DHRS12: variants seen among roughly 807,000 people sequenced by gnomAD.
The protein encoded by DHRS12 is dehydrogenase/reductase 12, also known as dehydrogenase/reductase SDR family member 12.
DHRS12 carries 29 observed loss-of-function variants against 32.1 expected under a neutral mutation model. The ratio of observed to expected loss-of-function variants is 0.90; its 90% CI spans 0.67 to 1.23. DHRS12 has a LOEUF of 1.23. Ranked by LOEUF, DHRS12 falls within the 50% of genes most tolerant of loss-of-function variation. The probability of loss-of-function intolerance (pLI) is 0.00; values close to 1 mark genes in which losing one functional copy is unlikely to be tolerated. For missense variants in DHRS12, 330 were observed against 337.2 expected (o/e 0.98, Z 0.17); for synonymous variants, 150 against 135.9 (o/e 1.10, Z -0.72).
At chr13:51,785,227 CA>C (rs1182137472) in intron 4 of DHRS12, among the ~76,000 whole-genome samples, 3 of 150,392 alleles carry the variant, frequency 2.0e-5, no homozygotes, top group African/African-American at 7.3e-5. Flanking sequence ...GACTCTGTCT[CA>C]AAAAAAACCA....
chr13:51,769,007 G>A (rs1011587102), intron 8 of DHRS12, 149 bp downstream of exon 8: 3 of 1,432,156 alleles, frequency 2.1e-6, no homozygotes, highest in African/African-American at 3.0e-5. Context: ...AACCTCAGCA[G>A]GCAAAGCAAT....
At chr13:51,758,118 T>C in the DHRS12 span, 1 of 1,238,140 alleles carries the variant, frequency 8.1e-7, no homozygotes, top group East Asian at 2.4e-5. Flanking sequence ...ATTTAGAGCC[T>C]AATGTCATCC....
chr13:51,755,502 A>G, the DHRS12 span: 1 of 1,576,712 alleles, frequency 6.3e-7, no homozygotes, highest in Non-Finnish European at 8.7e-7. Context: ...TTATATGGAA[A>G]TAGCTCAACC....
chr13:51,775,874 T>TTC (rs1403402057), intron 5 of DHRS12: 1 of 148,756 alleles, frequency 6.7e-6, no homozygotes, highest in Non-Finnish European at 1.5e-5. Context: ...TCCTACAGTA[T>TTC]TCTCCTACAT....
At chr13:51,794,868 G>T (rs985949013) in intron 2 of DHRS12, among the ~76,000 whole-genome samples, 2 of 151,720 alleles carry the variant, frequency 1.3e-5, no homozygotes, top group African/African-American at 4.8e-5. Flanking sequence ...AGGTGGGGCT[G>T]AACTGCAACC....
intron 4 of DHRS12, among the ~76,000 whole-genome samples, chr13:51,778,043 C>T (rs1360826400): frequency 7.2e-5 from 11 of 152,226 alleles, no homozygotes; most frequent in South Asian, 2.1e-4. Context: ...CTTCCTGCAC[C>T]GCCCGCCATG....
chr13:51,781,379 ATTT>A (rs1436477564), intron 4 of DHRS12, among the ~76,000 whole-genome samples: 1 of 152,096 alleles, frequency 6.6e-6, no homozygotes. Context: ...CTGAACAAGT[ATTT>A]ATCAAGGGCC....
intron 2 of DHRS12, among the ~76,000 whole-genome samples, chr13:51,796,218 AAGGTAGACCAG>A (rs1955506183): frequency 6.6e-6 from 1 of 152,110 alleles, no homozygotes; most frequent in Non-Finnish European, 1.5e-5. Context: ...CTGCCTACCA[AAGGTAGACCAG>A]ATGAAGCTGT....
chr13:51,794,756 G>A (rs765604168), intron 2 of DHRS12, among the ~76,000 whole-genome samples: 86 of 151,098 alleles, frequency 5.7e-4, no homozygotes, highest in African/African-American at 1.7e-3. Context: ...CAAAAATCCC[G>A]AGAGCCTATC....
intron 7 of DHRS12, chr13:51,771,545 G>A: frequency 6.2e-7 from 1 of 1,606,574 alleles, no homozygotes; most frequent in South Asian, 1.1e-5. Flanking sequence ...ACCAGGATAT[G>A]CTGTAGTTAG....
intron 4 of DHRS12, chr13:51,789,463 G>A (rs891769253): frequency 1.3e-5 from 11 of 821,246 alleles, no homozygotes; most frequent in Non-Finnish European, 1.6e-5. Flanking sequence ...AGATCTGGGT[G>A]GGGAATCTAA....
Position 51,771,215 on chromosome 13 carries a change from T to C in DHRS12, c.559+606A>G. 4 of 1,551,394 alleles carry C rather than the reference T, an allele frequency of 2.6e-6. No homozygotes were observed. In the South Asian group the frequency reaches 4.8e-5, roughly 18 times the overall value. ...TTGGCGCCGCGGGTGCACCCTGGGG[T>C]GTGTGCTGTGGCTGCTGCTGCTTTC... On this transcript the variant is annotated intron_variant, in intron 7 of 8. Transcript: ENST00000444610.
In DHRS12 at chr13:51,782,567, C is replaced by T. The variant is rs555657896; in HGVS notation, c.302-5446G>A. On this transcript the variant is annotated intron_variant, in intron 4 of 8. Coordinates refer to ENST00000444610, the MANE Select transcript of DHRS12 (RefSeq NM_001377533.1). The surrounding 1 kb of genome is among the most constrained non-coding windows in gnomAD (Gnocchi z 4.2). ...GCCAAAGGTCAGGGAGATAAGCCGA[C>T]TGGAGTGAGCTGCAGGATGCCCGGG... 5.0e-4 allele frequency among the ~76,000 whole-genome samples: 76 copies of T among 152,272 alleles called. No homozygotes were observed. Among genetic ancestry groups the T allele is most frequent in the African/African-American group, 1.8e-3 (73 of 41,542 alleles).
intron 1 of DHRS12, chr13:51,803,579 G>C (rs1436611193): frequency 6.6e-6 from 1 of 152,640 alleles, no homozygotes; most frequent in Non-Finnish European, 1.5e-5. Context: ...GAAAGTTCCA[G>C]CTGGAGCCAA....
the DHRS12 span, chr13:51,762,613 C>T: frequency 6.6e-6 from 1 of 152,188 alleles, no homozygotes; most frequent in Non-Finnish European, 1.5e-5. Flanking sequence ...GGGTGTCTTC[C>T]AAGCATTTTA....
chr13:51,803,285 C>A (rs1955841256), intron 1 of DHRS12, among the ~76,000 whole-genome samples: 1 of 152,200 alleles, frequency 6.6e-6, no homozygotes, highest in African/African-American at 2.4e-5. Flanking sequence ...GATGAAATGC[C>A]AGTCCAGGCC....
chr13:51,787,083 T>C (rs1347662139), intron 4 of DHRS12, among the ~76,000 whole-genome samples: 2 of 152,196 alleles, frequency 1.3e-5, no homozygotes, highest in Non-Finnish European at 2.9e-5. Flanking sequence ...TTGTGTATTG[T>C]ACTACTTCCT....
Position 51,791,269 on chromosome 13 carries a change from A to C in DHRS12, c.127-12T>G. ...TGCAGAAAAATGTTCTAAATTAGAA[A>C]GCAAAAAAAAAAAAAACCCTTTTTA... On this transcript the variant is annotated splice_polypyrimidine_tract_variant and intron_variant, in intron 2 of 8. Coordinates refer to ENST00000444610, the MANE Select transcript of DHRS12 (RefSeq NM_001377533.1). 7.3e-7 allele frequency: 1 copy of C among 1,375,336 alleles called. No homozygotes were observed. The highest frequency in any genetic ancestry group is 9.8e-7 in the Non-Finnish European group (1 of 1,022,540). The allele number at this position is 1,375,336 out of a possible 1,614,324, so 85.2% of individuals were successfully genotyped here. A position where few individuals can be genotyped will look rare whatever the true frequency, so the allele number is the denominator to read the frequency against.
intron 1 of DHRS12, among the ~76,000 whole-genome samples, chr13:51,801,915 G>C (rs1186173130): frequency 6.6e-6 from 1 of 152,154 alleles, no homozygotes. Context: ...TGTTTGCTGA[G>C]GCTGGCTCCT....
Sources: gnomAD v4.1 joint callset for allele counts (sites outside exome capture counted in the v4.1 genomes callset) on GRCh38, gnomAD v4.1.1 for gene constraint, Gnocchi (gnomAD v3.1) non-coding constraint, MANE v1.5 for transcripts, NCBI Gene and HGNC (gene_info 2026-07-23, HGNC 2026-07-21) for gene names.